Variants in GPC5 observed in about 807,000 individuals in gnomAD.
GPC5 encodes the protein glypican 5, also known as glypican-5.
Under a neutral mutation model 53.9 loss-of-function variants are expected in GPC5, and 47 were observed. The ratio of observed to expected loss-of-function variants is 0.87; its 90% CI spans 0.69 to 1.11. The LOEUF is 1.11. Among genes scored for constraint, GPC5 ranks in the 50% most tolerant of loss-of-function variants. GPC5 has a pLI of 0.00. For synonymous variants in GPC5, 286 were observed against 263.3 expected (o/e 1.09, Z -0.84); for missense variants, 748 against 713.1 (o/e 1.05, Z -0.56).
At chr13:92,675,671 T>A (rs940642355) in intron 7 of GPC5, among the ~76,000 whole-genome samples, 2 of 152,118 alleles carry the variant, frequency 1.3e-5, no homozygotes, top group African/African-American at 4.8e-5. Context: ...CTAAAGTTTC[T>A]TATATGAATC....
intron 1 of GPC5, among the ~76,000 whole-genome samples, chr13:91,430,288 A>C (rs553411476): frequency 6.6e-6 from 1 of 152,310 alleles, no homozygotes; most frequent in South Asian, 2.1e-4. Context: ...TCAGATGGGC[A>C]TACCTTGGGT....
At chr13:91,549,256 C>T (rs1419559032) in intron 2 of GPC5, among the ~76,000 whole-genome samples, 1 of 111,278 alleles carries the variant, frequency 9.0e-6, no homozygotes, top group Non-Finnish European at 1.9e-5. Flanking sequence ...GCAACAAGAG[C>T]AAGATTCCAT....
Position 92,527,219 on chromosome 13 carries a change from A to AAG in GPC5, c.1562-339061_1562-339060dup, listed in dbSNP as rs1158566473. 9.6e-5 allele frequency among the ~76,000 whole-genome samples: 4 copies of AAG among 41,842 alleles called. 1 individual carries two copies. Among genetic ancestry groups the AAG allele is most frequent in the African/African-American group, 6.6e-4 (4 of 6,102 alleles). 27.4% of individuals were successfully genotyped at this position (41,842 alleles called of 152,430 possible). ...AAAGAAAGAAAGAAAGAAAGAAAGA[A>AAG]AGAAAGAAAGAAAGAAAGAAAGAAA... On this transcript the variant is annotated intron_variant, in intron 7 of 7. Coordinates refer to ENST00000377067, the MANE Select transcript of GPC5 (RefSeq NM_004466.6).
At chr13:91,588,374 C>A (rs1003773342) in intron 2 of GPC5, among the ~76,000 whole-genome samples, 7 of 152,112 alleles carry the variant, frequency 4.6e-5, no homozygotes, top group African/African-American at 2.4e-5. Context: ...TCTGCTGTCA[C>A]ACTGCCAAAT....
chr13:92,579,720 C>G (rs964321719), intron 7 of GPC5, among the ~76,000 whole-genome samples: 28 of 152,228 alleles, frequency 1.8e-4, no homozygotes, highest in African/African-American at 6.3e-4. Context: ...CTGTCTTTAA[C>G]ATGTCTTAGA....
At chr13:92,865,182 C>T (rs147261542) in intron 7 of GPC5, among the ~76,000 whole-genome samples, 61 of 152,198 alleles carry the variant, frequency 4.0e-4, no homozygotes, top group African/African-American at 1.2e-3. Flanking sequence ...GGTTTCATAA[C>T]GTACGGAAGT....
intron 7 of GPC5, among the ~76,000 whole-genome samples, chr13:92,176,129 A>G (rs2042107899): frequency 6.6e-6 from 1 of 152,228 alleles, no homozygotes; most frequent in South Asian, 2.1e-4. Context: ...AGGACTTTAG[A>G]AAATACAAAT....
At chr13:92,568,859 G>A (rs1441292496) in intron 7 of GPC5, among the ~76,000 whole-genome samples, 2 of 152,070 alleles carry the variant, frequency 1.3e-5, no homozygotes, top group African/African-American at 4.8e-5. Flanking sequence ...AGGAAGGTAT[G>A]TACTGTCTCT....
chr13:91,811,027 T>C (rs1046836049), intron 5 of GPC5, among the ~76,000 whole-genome samples: 4 of 150,758 alleles, frequency 2.7e-5, no homozygotes, highest in Non-Finnish European at 5.9e-5. Context: ...GAAAGGAAAA[T>C]ATTGACATAA....
chr13:92,862,754 C>T (rs1302528018), intron 7 of GPC5, among the ~76,000 whole-genome samples: 1 of 152,096 alleles, frequency 6.6e-6, no homozygotes, highest in African/African-American at 2.4e-5. Flanking sequence ...ACAGAGCTGG[C>T]AGTGAATAGA....
chr13:92,565,707 T>C (rs1882842024), intron 7 of GPC5, among the ~76,000 whole-genome samples: 1 of 152,122 alleles, frequency 6.6e-6, no homozygotes, highest in South Asian at 2.1e-4. Flanking sequence ...CAATTAAATA[T>C]GTAGAAATTT....
intron 6 of GPC5, among the ~76,000 whole-genome samples, chr13:92,131,645 T>C (rs953287394): frequency 6.6e-6 from 1 of 152,026 alleles, no homozygotes; most frequent in Admixed American, 6.6e-5. Flanking sequence ...ATTAATGGAA[T>C]GAATCTATGT....
At chr13:92,482,091 A>G (rs866797980) in intron 7 of GPC5, among the ~76,000 whole-genome samples, 6 of 151,984 alleles carry the variant, frequency 3.9e-5, no homozygotes, top group Non-Finnish European at 7.4e-5. Flanking sequence ...AGATCGCACC[A>G]TTGCACTCCA....
intron 2 of GPC5, among the ~76,000 whole-genome samples, chr13:91,621,198 AC>A (rs560103226): frequency 2.9e-4 from 44 of 152,298 alleles, no homozygotes; most frequent in African/African-American, 9.6e-4. Flanking sequence ...TCTGATAAGA[AC>A]TTTTTCTAGG....
intron 7 of GPC5, among the ~76,000 whole-genome samples, chr13:92,641,003 G>A (rs540667266): frequency 5.3e-5 from 8 of 151,956 alleles, no homozygotes; most frequent in Non-Finnish European, 1.2e-4. Context: ...TGGGGGTGGC[G>A]AATACCATTT....
At chr13:92,320,652 A>G (rs1339349014) in intron 7 of GPC5, among the ~76,000 whole-genome samples, 2 of 152,184 alleles carry the variant, frequency 1.3e-5, no homozygotes, top group Non-Finnish European at 2.9e-5. Context: ...GGGAAAATAT[A>G]CTTTTGTCTA....
chr13:92,376,277 A>G (rs1453265033), intron 7 of GPC5, among the ~76,000 whole-genome samples: 1 of 152,076 alleles, frequency 6.6e-6, no homozygotes, highest in Non-Finnish European at 1.5e-5. Flanking sequence ...TTTAGTTGAG[A>G]TTTATGAGGT....
At chr13:91,522,892 A>G (rs977348203) in intron 2 of GPC5, among the ~76,000 whole-genome samples, 2 of 151,996 alleles carry the variant, frequency 1.3e-5, no homozygotes, top group African/African-American at 4.8e-5. Context: ...TATGTGCCAC[A>G]TTTTCTTAAT....
chr13:92,475,416 A>C (rs1879073438), intron 7 of GPC5, among the ~76,000 whole-genome samples: 1 of 146,168 alleles, frequency 6.8e-6, no homozygotes, highest in Admixed American at 7.0e-5. Flanking sequence ...GAGGTCCTTC[A>C]CATCCCTTGT....
Sources: gnomAD v4.1 joint callset for allele counts (sites outside exome capture counted in the v4.1 genomes callset) on GRCh38, gnomAD v4.1.1 for gene constraint, MANE v1.5 for transcripts, NCBI Gene and HGNC (gene_info 2026-07-23, HGNC 2026-07-21) for gene names.